ELOVL4: variants seen among roughly 807,000 people sequenced by gnomAD.
ELOVL4 encodes very long chain fatty acid elongase 4.
Under a neutral mutation model 42.1 loss-of-function variants are expected in ELOVL4, and 18 were observed. That is an observed-to-expected ratio of 0.43 (90% CI 0.30 to 0.63). The LOEUF is 0.63. Ranked by LOEUF, ELOVL4 falls within the 30% of genes least tolerant of loss-of-function variation. The probability of loss-of-function intolerance (pLI) is 0.15; values close to 1 mark genes in which losing one functional copy is unlikely to be tolerated. For synonymous variants in ELOVL4, 117 were observed against 127.0 expected, an observed-to-expected ratio of 0.92 and a Z score of 0.53; for missense variants, 299 against 376.2, an observed-to-expected ratio of 0.79 and a Z score of 1.70.
Position 79,916,669 on chromosome 6 carries a change from T to C in ELOVL4, c.884A>G (p.Glu295Gly), listed in dbSNP as rs1338050487. ...TCCATTTTCTATCATGAGTTGTTTTTCTGATTTGCTCACACCATTTGCTGA... is the reference window on the plus strand; with the variant it reads ...TCCATTTTCTATCATGAGTTGTTTTCCTGATTTGCTCACACCATTTGCTGA... ...GISANGVSKSEKQLMIENGKK... is the reference protein window; with the variant it reads ...GISANGVSKSGKQLMIENGKK... Residue 295 changes from glutamate (E) to glycine (G), a missense_variant, in exon 6 of 6, where the codon GAA becomes GGA. Transcript: ENST00000369816. The C allele has an allele frequency of 2.5e-6, 4 of 1,614,254 alleles. No individual in the cohort carries two copies. The South Asian group carries it at 4.4e-5, about 18-fold the overall frequency.
At chr6:79,944,814 C>T (rs1487217446) in intron 1 of ELOVL4, among the ~76,000 whole-genome samples, 1 of 152,106 alleles carries the variant, frequency 6.6e-6, no homozygotes, top group African/African-American at 2.4e-5. Flanking sequence ...ATCACTATTT[C>T]TCAAGACCAT....
At chr6:79,918,293 T>C (rs1774193184) in intron 5 of ELOVL4, among the ~76,000 whole-genome samples, 1 of 152,172 alleles carries the variant, frequency 6.6e-6, no homozygotes, top group African/African-American at 2.4e-5. Flanking sequence ...TTTTAGAAGC[T>C]GCATCACCAA....
intron 2 of ELOVL4, among the ~76,000 whole-genome samples, chr6:79,925,449 T>C (rs1774327464): frequency 1.3e-5 from 2 of 152,192 alleles, no homozygotes; most frequent in African/African-American, 2.4e-5. Context: ...GGCTAAGTTT[T>C]CAAGTAAAGA....
rs537400572 is a variant in ELOVL4, at chr6:79,932,262, C to T, written c.101-5881G>A. 2.3e-4 allele frequency among the ~76,000 whole-genome samples: 35 copies of T among 151,972 alleles called. No individual in the cohort carries two copies. In the South Asian group the frequency reaches 6.6e-3, roughly 29 times the overall value. On this transcript the variant is annotated intron_variant, in intron 1 of 5. Transcript: ENST00000369816. ...ATTCCTTTATAAAAAATGAGGGGGCCGGGTGCAGTGGCTCACGCCTGTAAT... is the reference window on the plus strand; with the variant it reads ...ATTCCTTTATAAAAAATGAGGGGGCTGGGTGCAGTGGCTCACGCCTGTAAT...
chr6:79,946,276 C>A (rs1774738827), intron 1 of ELOVL4, among the ~76,000 whole-genome samples: 1 of 152,088 alleles, frequency 6.6e-6, no homozygotes. Context: ...TCAAAAGCAG[C>A]GAAGCAAATG....
At chr6:79,941,085 T>A (rs1381085610) in intron 1 of ELOVL4, among the ~76,000 whole-genome samples, 1 of 152,216 alleles carries the variant, frequency 6.6e-6, no homozygotes, top group Admixed American at 6.5e-5. Context: ...TTTTATTTAC[T>A]ATAAAGAATG....
intron 4 of ELOVL4, among the ~76,000 whole-genome samples, chr6:79,920,725 TTG>T (rs1307621676): frequency 6.6e-6 from 1 of 152,218 alleles, no homozygotes; most frequent in African/African-American, 2.4e-5. Context: ...TTATCTGTGG[TTG>T]TTTGGCATCA....
intron 4 of ELOVL4, among the ~76,000 whole-genome samples, chr6:79,921,011 T>C (rs1774242853): frequency 6.6e-6 from 1 of 152,184 alleles, no homozygotes. Context: ...GGCTGTGTCT[T>C]GGTATTCTTT....
intron 1 of ELOVL4, among the ~76,000 whole-genome samples, chr6:79,926,673 C>T (rs1774348008): frequency 6.6e-6 from 1 of 152,148 alleles, no homozygotes; most frequent in Non-Finnish European, 1.5e-5. Context: ...AGGTGGTTAT[C>T]TTGGGATGAA....
chr6:79,927,532 C>A lies in ELOVL4; in HGVS notation c.101-1151G>T, dbSNP rs1774364707. ...GATTAGTGAACTAGGTATTAAAATA[C>A]CTTACTTAAAAAATTAATCTGTGTC... On this transcript the variant is annotated intron_variant, in intron 1 of 5. Coordinates refer to ENST00000369816, the MANE Select transcript of ELOVL4 (RefSeq NM_022726.4). Among the ~76,000 whole-genome samples, 4 of 152,106 alleles carry A rather than the reference C, an allele frequency of 2.6e-5. No individual in the cohort carries two copies. The South Asian group carries it at 8.3e-4, about 32-fold the overall frequency.
chr6:79,935,019 T>A (rs1174602519), intron 1 of ELOVL4, among the ~76,000 whole-genome samples: 1 of 152,118 alleles, frequency 6.6e-6, no homozygotes, highest in Admixed American at 6.5e-5. Flanking sequence ...ATAAAATACA[T>A]AAAAATTCTC....
At chr6:79,935,875 G>A (rs1391581509) in intron 1 of ELOVL4, among the ~76,000 whole-genome samples, 1 of 152,160 alleles carries the variant, frequency 6.6e-6, no homozygotes, top group African/African-American at 2.4e-5. Context: ...GTTATTCAAA[G>A]TAGAGTCCAT....
At chr6:79,934,421 G>C (rs960912242) in intron 1 of ELOVL4, among the ~76,000 whole-genome samples, 11 of 151,914 alleles carry the variant, frequency 7.2e-5, no homozygotes, top group Admixed American at 1.3e-4. Context: ...TACTTCATAG[G>C]GTTAAGATGT....
intron 2 of ELOVL4, 145 bp downstream of exon 2, chr6:79,926,049 T>A: frequency 2.6e-6 from 2 of 781,198 alleles, no homozygotes; most frequent in Non-Finnish European, 4.0e-6. Context: ...TTTTTGTTAT[T>A]CAAAAGTGAA....
intron 1 of ELOVL4, among the ~76,000 whole-genome samples, chr6:79,941,769 T>A (rs751874603): frequency 6.6e-6 from 1 of 152,224 alleles, no homozygotes; most frequent in Non-Finnish European, 1.5e-5. Context: ...GCAACCACAA[T>A]ATATCATGAT....
rs754240881 is a variant in ELOVL4, at chr6:79,947,323, CAGAG to C, written c.-48_-45del. 5 of 1,497,330 alleles carry C rather than the reference CAGAG, an allele frequency of 3.3e-6. No homozygotes were observed. In the East Asian group the frequency reaches 9.2e-5, roughly 27 times the overall value. The allele number at this position is 1,497,330 out of a possible 1,614,324, so 92.8% of individuals were successfully genotyped here. A position where few individuals can be genotyped will look rare whatever the true frequency, so the allele number is the denominator to read the frequency against. ...CTGGCGGCAGGAGAAAGCGGAGACCCAGAGAGAGGGCTGACCCCGGAGGCGGTGG... is the reference window on the plus strand; with the variant it reads ...CTGGCGGCAGGAGAAAGCGGAGACCCAGAGGGCTGACCCCGGAGGCGGTGG... On this transcript the variant is annotated 5_prime_UTR_variant, in exon 1 of 6. Transcript: ENST00000369816.
intron 1 of ELOVL4, among the ~76,000 whole-genome samples, chr6:79,944,985 T>C (rs1774711421): frequency 1.7e-5 from 1 of 59,016 alleles, no homozygotes; most frequent in African/African-American, 1.0e-4. Context: ...AGTGAATGAG[T>C]CCAAAAAAAA....
intron 1 of ELOVL4, among the ~76,000 whole-genome samples, chr6:79,932,551 CA>C (rs33949073): frequency 3.2e-4 from 46 of 142,022 alleles, no homozygotes; most frequent in African/African-American, 2.5e-4. Flanking sequence ...GACTCCTTCT[CA>C]AAAAAAAAAA....
chr6:79,939,290 AAAAAG>A (rs1379787402), intron 1 of ELOVL4, among the ~76,000 whole-genome samples: 1 of 152,148 alleles, frequency 6.6e-6, no homozygotes, highest in Non-Finnish European at 1.5e-5. Flanking sequence ...GCATTGCGGT[AAAAAG>A]AAAAGCACAT....
Sources: allele counts gnomAD v4.1 joint callset (sites outside exome capture counted in the v4.1 genomes callset), GRCh38; gene constraint gnomAD v4.1.1; transcripts MANE v1.5; gene names NCBI Gene and HGNC (gene_info 2026-07-23, HGNC 2026-07-21).